The following SLK variants were observed in gnomAD, a reference collection of about 807,000 sequenced individuals.
SLK encodes STE20-like serine/threonine-protein kinase.
SLK carries 67 observed loss-of-function variants against 147.7 expected under a neutral mutation model. The observed-to-expected ratio is 0.45, with a 90% CI of 0.37 to 0.56. The LOEUF (loss-of-function observed/expected upper bound fraction) is 0.56, where lower values mean the gene tolerates loss of function less well. Ranked by LOEUF, SLK falls within the 20% of genes least tolerant of loss-of-function variation. The pLI is 0.00. For missense variants in SLK, 1,136 were observed against 1,438.8 expected (o/e 0.79, Z 3.41); for synonymous variants, 441 against 475.0 (o/e 0.93, Z 0.93).
chr10:104,003,561 T>G (rs1437971999), intron 9 of SLK, 34 bp downstream of exon 9: 1 of 1,498,870 alleles, frequency 6.7e-7, no homozygotes, highest in Admixed American at 2.3e-5. Context: ...TGGGTTTTCC[T>G]TTGCCATTTT....
chr10:103,993,389 A>G (rs1844126435), intron 4 of SLK, among the ~76,000 whole-genome samples: 1 of 152,176 alleles, frequency 6.6e-6, no homozygotes, highest in Non-Finnish European at 1.5e-5. Flanking sequence ...ATGCTTTTTA[A>G]AGACCAATTT....
intron 4 of SLK, among the ~76,000 whole-genome samples, chr10:103,996,646 C>T (rs1267052235): frequency 6.6e-6 from 1 of 152,154 alleles, no homozygotes; most frequent in African/African-American, 2.4e-5. Flanking sequence ...GATCCACCCG[C>T]CTCAGCCTCC....
chr10:103,969,795 GT>G (rs1843769222), intron 1 of SLK, among the ~76,000 whole-genome samples: 1 of 152,092 alleles, frequency 6.6e-6, no homozygotes, highest in Admixed American at 6.6e-5. Context: ...CTGGACCTCC[GT>G]TTTCTTAGCC....
Position 104,026,067 on chromosome 10 carries a change from A to G in SLK, c.*347A>G, listed in dbSNP as rs1844594836. 1 of 171,836 alleles carries G rather than the reference A, an allele frequency of 5.8e-6. No individual in the cohort carries two copies. Among genetic ancestry groups the G allele is most frequent in the African/African-American group, 2.4e-5 (1 of 42,174 alleles). 10.6% of individuals were successfully genotyped at this position (171,836 alleles called of 1,614,324 possible). A position where few individuals can be genotyped will look rare whatever the true frequency, so the allele number is the denominator to read the frequency against. ...AACTGTTACATCACTAAGTATTAAT[A>G]AATTCTTCTTACCTGACGTAACTTC... On this transcript the variant is annotated 3_prime_UTR_variant, in exon 19 of 19. Transcript: ENST00000369755.
Position 104,027,205 on chromosome 10 carries a change from C to G in SLK, c.*1485C>G, listed in dbSNP as rs1803467. On this transcript the variant is annotated 3_prime_UTR_variant, in exon 19 of 19. Coordinates refer to ENST00000369755, the MANE Select transcript of SLK (RefSeq NM_014720.4). ...TGTAAATGTCTGTAGCACTTTCTTGCAGTTAATTTGAAAACTTTGGATGCT... is the reference window on the plus strand; with the variant it reads ...TGTAAATGTCTGTAGCACTTTCTTGGAGTTAATTTGAAAACTTTGGATGCT... The G allele has an allele frequency of 3.3e-5, 5 of 152,700 alleles. No homozygotes were observed. Among genetic ancestry groups the G allele is most frequent in the Middle Eastern group, 3.4e-3 (1 of 294 alleles). The allele number at this position is 152,700 out of a possible 1,614,324, so 9.5% of individuals were successfully genotyped here. A position where few individuals can be genotyped will look rare whatever the true frequency, so the allele number is the denominator to read the frequency against.
At chr10:103,985,878 C>A (rs1041640310) in intron 1 of SLK, among the ~76,000 whole-genome samples, 4 of 151,966 alleles carry the variant, frequency 2.6e-5, no homozygotes, top group African/African-American at 9.7e-5. Context: ...AATATGAAAC[C>A]AGTATGGAAC....
At chr10:103,984,729 T>C (rs968971629) in intron 1 of SLK, among the ~76,000 whole-genome samples, 1 of 152,218 alleles carries the variant, frequency 6.6e-6, no homozygotes, top group African/African-American at 2.4e-5. Flanking sequence ...ATCTTTCTTA[T>C]TAGTTTACTT....
At position 104,021,731 on chromosome 10, in the gene SLK, A is replaced by C. The variant is rs1844537010; in HGVS notation, c.3559A>C (p.Lys1187Gln). The change falls in exon 18 of 19, where the codon AAG (lysine) becomes CAG (glutamine). Residue 1187 changes from lysine (K) to glutamine (Q), a missense_variant and splice_region_variant. Physicochemically the swap from Lys to Gln is moderately conservative, Grantham distance 53. Coordinates refer to ENST00000369755, the MANE Select transcript of SLK (RefSeq NM_014720.4). ...GAGAGAGAAATTGAGACCTAGGAAA[A>C]AGGTAATTTTAAAAGCTTTAATTAA... ...EWREKLRPRK[K>Q]TLEEEFARKL... 1 of 1,538,816 alleles carries C rather than the reference A, an allele frequency of 6.5e-7. No homozygotes were observed. The highest frequency in any genetic ancestry group is 9.0e-7 in the Non-Finnish European group (1 of 1,115,376).
chr10:103,971,266 T>TTC (rs1420386871), intron 1 of SLK, among the ~76,000 whole-genome samples: 1 of 151,560 alleles, frequency 6.6e-6, no homozygotes, highest in Non-Finnish European at 1.5e-5. Flanking sequence ...TTGTTGTTGT[T>TTC]GTTTTGTTTG....
chr10:103,999,489 C>T (rs935785788), intron 6 of SLK, among the ~76,000 whole-genome samples, 176 bp downstream of exon 6: 7 of 152,100 alleles, frequency 4.6e-5, no homozygotes, highest in African/African-American at 7.2e-5. Context: ...TAAAACTCTT[C>T]GAGCTCACTT....
Position 104,005,701 on chromosome 10 carries a change from G to C in SLK, c.2480+10G>C. On this transcript the variant is annotated intron_variant, in intron 10 of 18. Transcript: ENST00000369755. ...AATTGCGGTTTCTTAGGTGAGTAGA[G>C]AAACAACGTAATTAAAACTGGTTTG... 1.2e-6 allele frequency: 2 copies of C among 1,606,354 alleles called. No homozygotes were observed. The highest frequency in any genetic ancestry group is 8.5e-7 in the Non-Finnish European group (1 of 1,177,096).
intron 7 of SLK, among the ~76,000 whole-genome samples, chr10:104,000,676 GGT>G (rs1298745900): frequency 6.6e-6 from 1 of 152,156 alleles, no homozygotes; most frequent in African/African-American, 2.4e-5. Flanking sequence ...CAAAAATACA[GGT>G]GTTTATAGAT....
chr10:103,992,280 T>C (rs904465907), intron 2 of SLK, among the ~76,000 whole-genome samples: 1 of 151,492 alleles, frequency 6.6e-6, no homozygotes, highest in Non-Finnish European at 1.5e-5. Context: ...AGTAATAAAA[T>C]CTTTCATTGG....
chr10:104,018,010 T>C (rs1242320295), intron 13 of SLK, 150 bp from the exon 14 acceptor site: 3 of 590,834 alleles, frequency 5.1e-6, no homozygotes, highest in Non-Finnish European at 8.9e-6. Context: ...AATACATTTG[T>C]ACTATATAAT....
At chr10:104,000,651 A>C (rs1257295988) in intron 7 of SLK, among the ~76,000 whole-genome samples, 1 of 152,230 alleles carries the variant, frequency 6.6e-6, no homozygotes, top group East Asian at 1.9e-4. Context: ...ATTCTCAAGA[A>C]TTTTAGAACC....
chr10:103,990,980 C>T, intron 2 of SLK, 141 bp downstream of exon 2: 1 of 422,904 alleles, frequency 2.4e-6, no homozygotes, highest in Admixed American at 4.4e-5. Flanking sequence ...AGTTGATCTG[C>T]TGATAAGAGA....
chr10:104,021,714 A>G lies in SLK; in HGVS notation c.3542A>G (p.Lys1181Arg), dbSNP rs1349870346. The G allele has an allele frequency of 1.9e-6, 3 of 1,587,412 alleles. No individual in the cohort carries two copies. The East Asian group carries it at 6.7e-5, about 36-fold the overall frequency. The part of the protein sequence containing the change: ...HSQELKEWRE[K>R]LRPRKKTLEE... ...CAAGAATTAAAGGAGTGGAGAGAGA[A>G]ATTGAGACCTAGGAAAAAGGTAATT... is the stretch of plus-strand genomic sequence containing the variant. Residue 1181 changes from lysine (K) to arginine (R), a missense_variant, in exon 18 of 19, where the codon AAA (lysine) becomes AGA (arginine). By Grantham distance (26) the Lys-to-Arg change is conservative. Around this residue, in one of 6 missense-constraint regions of SLK, gnomAD observed 327 missense variants for 457.5 expected, o/e 0.71. Coordinates refer to ENST00000369755, the MANE Select transcript of SLK (RefSeq NM_014720.4).
intron 1 of SLK, among the ~76,000 whole-genome samples, chr10:103,971,335 C>T (rs923565892): frequency 6.6e-6 from 1 of 152,060 alleles, no homozygotes; most frequent in East Asian, 1.9e-4. Flanking sequence ...AGTGCTGTGG[C>T]GCAATCTCGG....
chr10:104,019,130 A>C (rs1397871301), intron 15 of SLK: 1 of 410,848 alleles, frequency 2.4e-6, no homozygotes, highest in Non-Finnish European at 4.4e-6. Context: ...TACAATGCTT[A>C]AAGACGTTTT....
Sources: allele counts gnomAD v4.1 joint callset (sites outside exome capture counted in the v4.1 genomes callset), GRCh38; gene constraint gnomAD v4.1.1; regional missense constraint gnomAD v4.1.1; transcripts MANE v1.5; gene names NCBI Gene and HGNC (gene_info 2026-07-23, HGNC 2026-07-21).